DKK3: variants seen among roughly 807,000 people sequenced by gnomAD.
The protein encoded by DKK3 is dickkopf Wnt signaling pathway inhibitor 3, also known as dickkopf-related protein 3.
In DKK3, 22 loss-of-function variants were observed where a neutral mutation model predicts 33.2. That is an observed-to-expected ratio of 0.66 (90% CI 0.47 to 0.95). The LOEUF (loss-of-function observed/expected upper bound fraction) is 0.95, where lower values mean the gene tolerates loss of function less well. Among genes scored for constraint, DKK3 ranks in the 40% least tolerant of loss-of-function variants. DKK3 has a pLI of 0.00. For synonymous variants in DKK3, 194 were observed against 188.8 expected (o/e 1.03, Z -0.23); for missense variants, 398 against 458.4 (o/e 0.87, Z 1.20).
Position 12,008,322 on chromosome 11 carries a change from C to T in DKK3, c.213+48G>A, listed in dbSNP as rs778893374. 1.3e-5 allele frequency: 21 copies of T among 1,563,570 alleles called. No individual in the cohort carries two copies. Among genetic ancestry groups the T allele is most frequent in the South Asian group, 1.2e-4 (10 of 85,574 alleles). Reference sequence around the variant, plus strand: ...TCCATGCCTTCCCAGACTTCGCTGCCCCCAGTCTGGCGCTTCTCAGAGCCC... The same window carrying T: ...TCCATGCCTTCCCAGACTTCGCTGCTCCCAGTCTGGCGCTTCTCAGAGCCC... On this transcript the variant is annotated intron_variant, in intron 1 of 6. Transcript: ENST00000683431. The surrounding 1 kb of genome is among the most constrained non-coding windows in gnomAD (Gnocchi z 4.6).
chr11:11,977,076 C>G (rs1038521144), intron 3 of DKK3, among the ~76,000 whole-genome samples: 1 of 152,156 alleles, frequency 6.6e-6, no homozygotes, highest in Admixed American at 6.5e-5. Context: ...TCTAAAGTGC[C>G]AATGTCTGCA....
intron 2 of DKK3, among the ~76,000 whole-genome samples, chr11:12,000,424 C>G (rs1848400084): frequency 6.6e-6 from 1 of 151,992 alleles, no homozygotes; most frequent in Non-Finnish European, 1.5e-5. Flanking sequence ...CCAGGCTGGT[C>G]TCGAGCTCCT....
At chr11:11,978,539 T>G (rs577279731) in intron 3 of DKK3, among the ~76,000 whole-genome samples, 1 of 152,254 alleles carries the variant, frequency 6.6e-6, no homozygotes, top group Admixed American at 6.5e-5. Flanking sequence ...TTGTTTGGTT[T>G]TGTTTTTAAC....
Position 12,008,345 on chromosome 11 carries a change from C to T in DKK3, c.213+25G>A, listed in dbSNP as rs1356510714. Reference sequence around the variant, plus strand: ...GCCCCCAGTCTGGCGCTTCTCAGAGCCCCGCGCCGCCAGGGCGCACCCACC... The same window carrying T: ...GCCCCCAGTCTGGCGCTTCTCAGAGTCCCGCGCCGCCAGGGCGCACCCACC... On this transcript the variant is annotated intron_variant, in intron 1 of 6. Transcript: ENST00000683431. This position sits in a 1 kb window ranked among gnomAD's most constrained non-coding sequence, Gnocchi z 4.6. The T allele has an allele frequency of 3.1e-6, 5 of 1,592,548 alleles. No homozygotes were observed. The highest frequency in any genetic ancestry group is 2.2e-5 in the South Asian group (2 of 88,902).
intron 3 of DKK3, among the ~76,000 whole-genome samples, chr11:11,994,190 T>C (rs1486901415): frequency 6.6e-6 from 1 of 152,074 alleles, no homozygotes; most frequent in African/African-American, 2.4e-5. Context: ...TTCTGTAAAG[T>C]TGCTGGGAAC....
intron 2 of DKK3, 31 bp downstream of exon 2, chr11:12,002,269 T>C (rs1263192692): frequency 3.7e-6 from 6 of 1,606,438 alleles, no homozygotes; most frequent in Non-Finnish European, 5.1e-6. Context: ...CTGGACGCTA[T>C]AGAAAGGAGG....
intron 2 of DKK3, among the ~76,000 whole-genome samples, chr11:11,999,711 G>C (rs541321923): frequency 2.6e-5 from 4 of 152,302 alleles, no homozygotes; most frequent in South Asian, 4.2e-4. Context: ...TGTTCTTTGA[G>C]CTCTGTCTCA....
intron 1 of DKK3, among the ~76,000 whole-genome samples, chr11:12,004,469 T>C (rs1848497486): frequency 1.3e-5 from 2 of 152,166 alleles, no homozygotes; most frequent in Admixed American, 6.5e-5. Flanking sequence ...TAAGTAAGTC[T>C]AGAAGGATCA....
intron 3 of DKK3, among the ~76,000 whole-genome samples, chr11:11,987,747 G>A (rs1848101169): frequency 6.6e-6 from 1 of 152,206 alleles, no homozygotes; most frequent in African/African-American, 2.4e-5. Context: ...TTGGCATGAG[G>A]CCTGTCTTTA....
chr11:11,984,530 A>C (rs1156595651), intron 3 of DKK3, among the ~76,000 whole-genome samples: 1 of 152,184 alleles, frequency 6.6e-6, no homozygotes, highest in African/African-American at 2.4e-5. Context: ...TACTTTTCCC[A>C]TGAGTTGTAT....
intron 3 of DKK3, among the ~76,000 whole-genome samples, chr11:11,986,494 C>T (rs1564916334): frequency 6.6e-6 from 1 of 152,146 alleles, no homozygotes; most frequent in Non-Finnish European, 1.5e-5. Flanking sequence ...GCTCTGCCAT[C>T]CCTGGGAGAG....
At chr11:11,991,637 C>T (rs1848190141) in intron 3 of DKK3, among the ~76,000 whole-genome samples, 1 of 152,180 alleles carries the variant, frequency 6.6e-6, no homozygotes, top group Admixed American at 6.5e-5. Flanking sequence ...CACTTCCTCT[C>T]ACAATGTGAT....
chr11:11,998,311 C>A, intron 3 of DKK3: 1 of 317,808 alleles, frequency 3.1e-6, no homozygotes, highest in South Asian at 3.5e-5. Flanking sequence ...CTCAAACTGC[C>A]TGACCAGAGG....
chr11:11,986,761 G>A (rs1286667466), intron 3 of DKK3, among the ~76,000 whole-genome samples: 9 of 152,124 alleles, frequency 5.9e-5, no homozygotes, highest in African/African-American at 1.7e-4. Context: ...CATGACTTGC[G>A]GAATTTAACT....
chr11:11,967,156 G>A (rs1166619108), intron 4 of DKK3, 58 bp from the exon 5 acceptor site: 1 of 1,586,898 alleles, frequency 6.3e-7, no homozygotes, highest in Non-Finnish European at 8.6e-7. Flanking sequence ...GGCCTGCTGA[G>A]AGCCCAGCCT....
At chr11:11,986,424 G>A (rs1364606094) in intron 3 of DKK3, among the ~76,000 whole-genome samples, 1 of 152,172 alleles carries the variant, frequency 6.6e-6, no homozygotes, top group East Asian at 1.9e-4. Context: ...GAAAGTAGGT[G>A]TGAGATTCCA....
chr11:12,003,238 T>C (rs1320453839), intron 1 of DKK3, among the ~76,000 whole-genome samples: 1 of 152,132 alleles, frequency 6.6e-6, no homozygotes, highest in Admixed American at 6.6e-5. Flanking sequence ...GGGCAGGGGA[T>C]GGAGGGAACC....
chr11:11,973,690 G>A (rs1414060793), intron 3 of DKK3, among the ~76,000 whole-genome samples: 1 of 152,204 alleles, frequency 6.6e-6, no homozygotes. Context: ...GGCTGACCGG[G>A]AACACAGCAT....
intron 3 of DKK3, among the ~76,000 whole-genome samples, chr11:11,997,355 T>G (rs1401321476): frequency 1.3e-5 from 2 of 152,180 alleles, no homozygotes; most frequent in Non-Finnish European, 2.9e-5. Flanking sequence ...AAACACAGCC[T>G]GAGATCTGGA....
Sources: allele counts gnomAD v4.1 joint callset (sites outside exome capture counted in the v4.1 genomes callset), GRCh38; gene constraint gnomAD v4.1.1; non-coding constraint Gnocchi (gnomAD v3.1); transcripts MANE v1.5; gene names NCBI Gene and HGNC (gene_info 2026-07-23, HGNC 2026-07-21).